TBCK: variants seen among roughly 807,000 people sequenced by gnomAD.
TBCK encodes TBC domain-containing protein kinase-like protein.
In TBCK, 99 loss-of-function variants were observed where a neutral mutation model predicts 113.4. The observed-to-expected ratio is 0.87, with a 90% CI of 0.74 to 1.03. The LOEUF is 1.03. Ranked by LOEUF, TBCK falls within the 50% of genes least tolerant of loss-of-function variation. The pLI is 0.00. For synonymous variants in TBCK, 369 were observed against 370.8 expected (o/e 1.00, Z 0.05); for missense variants, 1,045 against 1,061.3 (o/e 0.98, Z 0.21).
At chr4:106,246,812 T>C (rs1760865411) in intron 10 of TBCK, among the ~76,000 whole-genome samples, 1 of 152,054 alleles carries the variant, frequency 6.6e-6, no homozygotes, top group African/African-American at 2.4e-5. Flanking sequence ...ACTATATATA[T>C]ATATTTGTGC....
At chr4:106,118,920 AATGTGT>A (rs1283590732) in intron 23 of TBCK, among the ~76,000 whole-genome samples, 1 of 152,236 alleles carries the variant, frequency 6.6e-6, no homozygotes, top group Non-Finnish European at 1.5e-5. Flanking sequence ...AACTTCTGTG[AATGTGT>A]ATGTGTAAAG....
chr4:106,190,044 G>T (rs1448909654), intron 22 of TBCK, among the ~76,000 whole-genome samples: 1 of 152,050 alleles, frequency 6.6e-6, no homozygotes, highest in Non-Finnish European at 1.5e-5. Context: ...AACTCCTATT[G>T]TTTTCTGCAG....
At chr4:106,072,033 T>C (rs1737527566) in intron 25 of TBCK, among the ~76,000 whole-genome samples, 1 of 152,162 alleles carries the variant, frequency 6.6e-6, no homozygotes, top group South Asian at 2.1e-4. Flanking sequence ...CAGTGATGGG[T>C]ATTGACTCTT....
intron 23 of TBCK, among the ~76,000 whole-genome samples, chr4:106,141,074 A>C (rs1747104156): frequency 1.4e-5 from 2 of 140,596 alleles, no homozygotes; most frequent in Admixed American, 1.4e-4. Context: ...TTTATCTCTC[A>C]AGCAAAAAGA....
intron 3 of TBCK, among the ~76,000 whole-genome samples, chr4:106,291,942 C>T (rs1484417209): frequency 2.6e-5 from 4 of 152,186 alleles, no homozygotes; most frequent in South Asian, 4.1e-4. Flanking sequence ...TGCAACAATG[C>T]TTGCTTTTGT....
At chr4:106,205,560 A>G (rs924749127) in intron 20 of TBCK, among the ~76,000 whole-genome samples, 1 of 145,216 alleles carries the variant, frequency 6.9e-6, no homozygotes, top group Admixed American at 7.1e-5. Context: ...CCTGGCCAAC[A>G]TGGTGAAGCC....
chr4:106,236,704 A>T, intron 13 of TBCK, 55 bp downstream of exon 13: 1 of 1,087,282 alleles, frequency 9.2e-7, no homozygotes, highest in Non-Finnish European at 1.2e-6. Context: ...AATTCTTATA[A>T]ATCTAATATA....
intron 23 of TBCK, among the ~76,000 whole-genome samples, chr4:106,144,953 C>T (rs1301570966): frequency 2.1e-5 from 3 of 143,616 alleles, no homozygotes; most frequent in African/African-American, 5.2e-5. Flanking sequence ...AACTGGGAGG[C>T]GGAGGTTGCA....
At chr4:106,082,598 GA>G (rs986797899) in intron 25 of TBCK, among the ~76,000 whole-genome samples, 7 of 148,974 alleles carry the variant, frequency 4.7e-5, no homozygotes, top group East Asian at 2.0e-4. Context: ...TAAAAAAATA[GA>G]AAAAAAAATA....
chr4:106,094,273 G>A (rs1740662303), intron 25 of TBCK, among the ~76,000 whole-genome samples: 1 of 152,136 alleles, frequency 6.6e-6, no homozygotes, highest in South Asian at 2.1e-4. Context: ...GTATGTGCAG[G>A]TGGGGATGGG....
At chr4:106,203,916 T>G (rs1396115630) in intron 20 of TBCK, among the ~76,000 whole-genome samples, 1 of 152,186 alleles carries the variant, frequency 6.6e-6, no homozygotes, top group East Asian at 1.9e-4. Flanking sequence ...GCAGAAAATC[T>G]CATCAATTCA....
At position 106,044,932 on chromosome 4, in the gene TBCK, T is replaced by TGTAA. The variant is rs1487739741; in HGVS notation, c.*1634_*1637dup. ...AGGCAGTCTTAACATTGGAGTGGAA[T>TGTAA]GTAAGTTATAGATGAATGAACACTT... On this transcript the variant is annotated 3_prime_UTR_variant, in exon 26 of 26. Transcript: ENST00000394708. The TGTAA allele has an allele frequency of 6.6e-6, 1 of 152,190 alleles. No individual in the cohort carries two copies. The highest frequency in any genetic ancestry group is 1.5e-5 in the Non-Finnish European group (1 of 68,038). 9.4% of individuals were successfully genotyped at this position (152,190 alleles called of 1,614,324 possible).
chr4:106,286,927 G>C (rs1042754542), intron 3 of TBCK, among the ~76,000 whole-genome samples: 1 of 151,712 alleles, frequency 6.6e-6, no homozygotes, highest in African/African-American at 2.4e-5. Context: ...ATAGAGTTGA[G>C]GTAAAACAAT....
chr4:106,308,623 G>C (rs1171487657), intron 2 of TBCK, 145 bp downstream of exon 2: 12 of 726,238 alleles, frequency 1.7e-5, no homozygotes, highest in Non-Finnish European at 2.6e-5. Flanking sequence ...CGAGAGAGAG[G>C]CAGGGTGGGG....
chr4:106,173,275 C>A (rs2149745907), intron 22 of TBCK, among the ~76,000 whole-genome samples: 1 of 152,212 alleles, frequency 6.6e-6, no homozygotes, highest in African/African-American at 2.4e-5. Context: ...GAAGAAAAAT[C>A]AAGGTTTAAG....
intron 25 of TBCK, among the ~76,000 whole-genome samples, chr4:106,088,163 G>A (rs996411853): frequency 6.6e-6 from 1 of 152,158 alleles, no homozygotes; most frequent in Non-Finnish European, 1.5e-5. Flanking sequence ...AGAGTGAACA[G>A]GCAACTACAG....
Position 106,235,305 on chromosome 4 carries a change from C to T in TBCK, c.1413G>A (p.Met471Ile), listed in dbSNP as rs34961213. 0.17 allele frequency: 270,522 copies of T among 1,608,372 alleles called. 24,549 individuals are homozygous for T. Among genetic ancestry groups the T allele is most frequent in the South Asian group, 0.23 (21,177 of 90,442 alleles). ...GAAGAGCAGCCCAGGTTAAACCTCT[C>T]ATAAGAGGAGGAATGTCAACTCTTG... ...KEARVDIPPL[M>I]RGLTWAALLG... is the part of the protein sequence containing the mutation. Residue 471 changes from methionine to isoleucine, a missense_variant, in exon 15 of 26, where the codon ATG becomes ATA. Met to Ile is a conservative substitution (Grantham distance 10, BLOSUM62 1). Coordinates refer to ENST00000394708, the MANE Select transcript of TBCK (RefSeq NM_001163435.3).
intron 25 of TBCK, among the ~76,000 whole-genome samples, chr4:106,050,494 T>C (rs1734683872): frequency 6.6e-6 from 1 of 152,074 alleles, no homozygotes; most frequent in African/African-American, 2.4e-5. Context: ...ATTATGTTCT[T>C]TGATGACAGT....
chr4:106,219,455 A>G (rs2149936304), intron 19 of TBCK, among the ~76,000 whole-genome samples: 1 of 152,120 alleles, frequency 6.6e-6, no homozygotes, highest in South Asian at 2.1e-4. Context: ...GTTTAATCAG[A>G]AAGTAGAGAT....
Sources: gnomAD v4.1 joint callset for allele counts (sites outside exome capture counted in the v4.1 genomes callset) on GRCh38, gnomAD v4.1.1 for gene constraint, MANE v1.5 for transcripts, NCBI Gene and HGNC (gene_info 2026-07-23, HGNC 2026-07-21) for gene names.